The following PARP4 variants were observed in gnomAD, a reference collection of about 807,000 sequenced individuals.
PARP4 encodes the protein poly(ADP-ribose) polymerase family member 4.
A neutral mutation model predicts 187.7 loss-of-function variants in PARP4; 120 were observed. The ratio of observed to expected loss-of-function variants is 0.64; its 90% CI spans 0.55 to 0.74. The LOEUF (loss-of-function observed/expected upper bound fraction) is 0.74, where lower values mean the gene tolerates loss of function less well. Ranked by LOEUF, PARP4 falls within the 30% of genes least tolerant of loss-of-function variation. The probability of loss-of-function intolerance (pLI) is 0.00; values close to 1 mark genes in which losing one functional copy is unlikely to be tolerated. For missense variants in PARP4, 1,836 were observed against 2,070.5 expected (o/e 0.89, Z 2.20); for synonymous variants, 654 against 740.9 (o/e 0.88, Z 1.90).
rs1403612007 is a variant in PARP4, at chr13:24,502,450, G to A, written c.133-616C>T. Among the ~76,000 whole-genome samples the A allele has an allele frequency of 2.6e-5, 4 of 152,232 alleles. No homozygotes were observed. In the East Asian group the frequency reaches 7.7e-4, roughly 29 times the overall value. ...GTTGTCCCCAGTTCCTCTCTGCAGA[G>A]GCACCTGCTGTCACTTGCTCCTCGC... is the stretch of plus-strand genomic sequence containing the variant. On this transcript the variant is annotated intron_variant, in intron 2 of 33. Transcript: ENST00000381989.
chr13:24,449,159 T>C (rs575732866), intron 25 of PARP4, among the ~76,000 whole-genome samples: 47 of 152,040 alleles, frequency 3.1e-4, no homozygotes, highest in South Asian at 6.2e-4. Context: ...GAGGCCAAGG[T>C]GGGCAGATCA....
intron 30 of PARP4, among the ~76,000 whole-genome samples, chr13:24,438,662 C>A (rs1354688149): frequency 1.3e-5 from 2 of 152,190 alleles, no homozygotes; most frequent in African/African-American, 2.4e-5. Context: ...TAAGCCCAGG[C>A]GTGGCTGTGG....
At chr13:24,498,710 T>A (rs1426075099) in intron 5 of PARP4, among the ~76,000 whole-genome samples, 1 of 151,658 alleles carries the variant, frequency 6.6e-6, no homozygotes, top group African/African-American at 2.4e-5. Flanking sequence ...TATAGGCAAG[T>A]GATGCCACAT....
intron 31 of PARP4, 38 bp from the exon 32 acceptor site, chr13:24,431,514 C>T (rs763421232): frequency 7.1e-6 from 9 of 1,260,100 alleles, no homozygotes; most frequent in Non-Finnish European, 1.0e-5. Context: ...TTATGTTATT[C>T]ACATTTTATC....
intron 14 of PARP4, among the ~76,000 whole-genome samples, chr13:24,476,937 C>T (rs9553317): frequency 0.1 from 15,196 of 152,140 alleles, 920 homozygotes; most frequent in East Asian, 0.27. Context: ...GAAGGTGGAG[C>T]GCAAAAGGTC....
chr13:24,461,602 T>C (rs980211304), intron 17 of PARP4, among the ~76,000 whole-genome samples: 5 of 152,146 alleles, frequency 3.3e-5, no homozygotes, highest in Non-Finnish European at 5.9e-5. Flanking sequence ...TTGCATTCTC[T>C]TGCAGGCGTT....
chr13:24,497,164 G>A (rs571196349), intron 6 of PARP4, among the ~76,000 whole-genome samples: 11 of 152,064 alleles, frequency 7.2e-5, no homozygotes, highest in Non-Finnish European at 1.3e-4. Flanking sequence ...GTTTTAGATT[G>A]GAACTGTGCT....
intron 11 of PARP4, 34 bp from the exon 12 acceptor site, chr13:24,484,782 C>G: frequency 3.0e-6 from 4 of 1,317,634 alleles, no homozygotes; most frequent in Non-Finnish European, 3.3e-6. Flanking sequence ...GGTGTAAGCC[C>G]AACACTGACT....
chr13:24,494,540 A>C (rs1489780458), intron 7 of PARP4, 33 bp downstream of exon 7: 3 of 1,573,686 alleles, frequency 1.9e-6, no homozygotes, highest in Admixed American at 1.8e-5. Context: ...AAAATATTCA[A>C]TCAACAACAA....
chr13:24,492,732 C>T (rs1868728386), intron 8 of PARP4, 138 bp from the exon 9 acceptor site: 1 of 712,194 alleles, frequency 1.4e-6, no homozygotes, highest in Admixed American at 2.7e-5. Context: ...AAAGCAAATG[C>T]TGATCTTTAT....
chr13:24,453,239 C>CTTTT (rs1444210465), intron 23 of PARP4, among the ~76,000 whole-genome samples: 1 of 143,664 alleles, frequency 7.0e-6, no homozygotes, highest in Non-Finnish European at 1.5e-5. Context: ...CCCAGCATTT[C>CTTTT]TTTTTTCTTT....
In PARP4 at chr13:24,460,340, C is replaced by T. The variant is rs973454839; in HGVS notation, c.2134-204G>A. On this transcript the variant is annotated intron_variant, in intron 17 of 33. Coordinates refer to ENST00000381989, the MANE Select transcript of PARP4 (RefSeq NM_006437.4). Reference sequence around the variant, plus strand: ...CCAGTGGTGGGAACAGGGTGATGTCCGTGGCAGGCAGATGGAGAGGGGCCC... The same window carrying T: ...CCAGTGGTGGGAACAGGGTGATGTCTGTGGCAGGCAGATGGAGAGGGGCCC... 3.9e-5 allele frequency among the ~76,000 whole-genome samples: 6 copies of T among 152,310 alleles called. No individual in the cohort carries two copies. The East Asian group carries it at 9.7e-4, about 25-fold the overall frequency.
chr13:24,470,752 T>TAA (rs1555236383), intron 15 of PARP4, among the ~76,000 whole-genome samples: 2 of 151,072 alleles, frequency 1.3e-5, no homozygotes, highest in African/African-American at 4.9e-5. Flanking sequence ...AATGAAAAAT[T>TAA]AAAAAAAAAA....
intron 30 of PARP4, among the ~76,000 whole-genome samples, chr13:24,437,647 T>G (rs1433497887): frequency 1.3e-5 from 2 of 152,128 alleles, no homozygotes; most frequent in African/African-American, 4.8e-5. Flanking sequence ...AAAACTTAAA[T>G]GTCACCAATA....
At chr13:24,497,815 C>T (rs1416173505) in intron 6 of PARP4, among the ~76,000 whole-genome samples, 2 of 152,160 alleles carry the variant, frequency 1.3e-5, no homozygotes, top group Non-Finnish European at 2.9e-5. Flanking sequence ...GATGAGGACA[C>T]AGATGCCCAC....
intron 19 of PARP4, 53 bp downstream of exon 19, chr13:24,459,211 A>G: frequency 1.3e-6 from 2 of 1,587,740 alleles, no homozygotes; most frequent in South Asian, 1.1e-5. Flanking sequence ...GGAAATTTAA[A>G]CCAGAAAACC....
intron 1 of PARP4, among the ~76,000 whole-genome samples, chr13:24,507,140 G>A (rs955887644): frequency 1.3e-5 from 2 of 152,210 alleles, no homozygotes; most frequent in African/African-American, 4.8e-5. Flanking sequence ...CGGAACTTGC[G>A]CTGGCCCGCA....
intron 3 of PARP4, among the ~76,000 whole-genome samples, chr13:24,501,102 A>G (rs576752974): frequency 2.4e-4 from 37 of 152,332 alleles, no homozygotes; most frequent in African/African-American, 8.7e-4. Context: ...TATCTAACAC[A>G]TACCGTGTGC....
intron 12 of PARP4, among the ~76,000 whole-genome samples, chr13:24,480,526 G>T (rs1225226665): frequency 6.6e-6 from 1 of 152,216 alleles, no homozygotes; most frequent in African/African-American, 2.4e-5. Context: ...AGTGGTGAAT[G>T]TAAAGAAACA....
Sources: gnomAD v4.1 joint callset for allele counts (sites outside exome capture counted in the v4.1 genomes callset) on GRCh38, gnomAD v4.1.1 for gene constraint, MANE v1.5 for transcripts, NCBI Gene and HGNC (gene_info 2026-07-23, HGNC 2026-07-21) for gene names.